Variants in AMBRA1 observed in about 807,000 individuals in gnomAD.
The protein encoded by AMBRA1 is activating molecule in BECN1-regulated autophagy protein 1.
AMBRA1 carries 47 observed loss-of-function variants against 125.4 expected under a neutral mutation model. The observed-to-expected ratio is 0.37, with a 90% CI of 0.30 to 0.48. AMBRA1 has a LOEUF of 0.48. Ranked by LOEUF, AMBRA1 falls within the 20% of genes least tolerant of loss-of-function variation. The probability of loss-of-function intolerance (pLI) is 0.99; values close to 1 mark genes in which losing one functional copy is unlikely to be tolerated. For missense variants in AMBRA1, 1,331 were observed against 1,693.4 expected (o/e 0.79, Z 3.76); for synonymous variants, 626 against 655.5 (o/e 0.95, Z 0.69).
At chr11:46,474,006 C>T (rs1949713509) in intron 11 of AMBRA1, among the ~76,000 whole-genome samples, 1 of 152,082 alleles carries the variant, frequency 6.6e-6, no homozygotes, top group Non-Finnish European at 1.5e-5. Flanking sequence ...TAAAAATTCC[C>T]AACACTTAGT....
chr11:46,466,991 C>A (rs1004883141), intron 11 of AMBRA1, among the ~76,000 whole-genome samples: 1 of 149,544 alleles, frequency 6.7e-6, no homozygotes, highest in African/African-American at 2.5e-5. Flanking sequence ...GATCTTGGCT[C>A]ACTGAAACCT....
chr11:46,565,178 A>G (rs2043477142), intron 1 of AMBRA1, among the ~76,000 whole-genome samples: 1 of 152,048 alleles, frequency 6.6e-6, no homozygotes, highest in African/African-American at 2.4e-5. Flanking sequence ...AAATCACTTG[A>G]GCCCAGGAGG....
At chr11:46,498,216 C>T (rs978219640) in intron 9 of AMBRA1, among the ~76,000 whole-genome samples, 1 of 152,158 alleles carries the variant, frequency 6.6e-6, no homozygotes, top group African/African-American at 2.4e-5. Context: ...GCTCTAACAA[C>T]ATAGCCAACA....
At chr11:46,515,730 C>A (rs1307956390) in intron 7 of AMBRA1, among the ~76,000 whole-genome samples, 1 of 152,134 alleles carries the variant, frequency 6.6e-6, no homozygotes, top group Non-Finnish European at 1.5e-5. Flanking sequence ...GGCTGAAGTG[C>A]AGTGGCGCAA....
chr11:46,565,908 G>A (rs908229575), intron 1 of AMBRA1, among the ~76,000 whole-genome samples: 3 of 151,858 alleles, frequency 2.0e-5, no homozygotes, highest in South Asian at 2.1e-4. Context: ...AAGTAGCTGC[G>A]CCCACAGGTG....
intron 11 of AMBRA1, among the ~76,000 whole-genome samples, chr11:46,466,208 G>A (rs1200066424): frequency 3.3e-5 from 5 of 152,164 alleles, no homozygotes; most frequent in East Asian, 1.9e-4. Flanking sequence ...GAGGCCAGGC[G>A]TGCTGGCACA....
rs571571094 is a variant in AMBRA1 at position 46,476,303 on chromosome 11, C to A, written c.2521+17305G>T. On this transcript the variant is annotated intron_variant, in intron 11 of 17. Coordinates refer to ENST00000683756, the MANE Select transcript of AMBRA1 (RefSeq NM_001387011.1). ...ATGAGTCTCAGGGTTGGCAGGTGAA[C>A]GAGTAGGGTGTGCACAAGTTAGGTG... is the stretch of plus-strand genomic sequence containing the variant. Among the ~76,000 whole-genome samples, 22 of 152,222 alleles carry A rather than the reference C, an allele frequency of 1.4e-4. No homozygotes were observed. The South Asian group carries it at 4.1e-3, about 29-fold the overall frequency.
At chr11:46,540,671 C>T (rs989345534) in intron 7 of AMBRA1, among the ~76,000 whole-genome samples, 1 of 152,152 alleles carries the variant, frequency 6.6e-6, no homozygotes, top group Non-Finnish European at 1.5e-5. Context: ...TTGCTCTCTC[C>T]AAATCCTATC....
chr11:46,570,261 CAAAAAAAAAA>C (rs200875374), intron 1 of AMBRA1, among the ~76,000 whole-genome samples: 13 of 14,260 alleles, frequency 9.1e-4, no homozygotes, highest in East Asian at 3.0e-3. Flanking sequence ...GACCATGTCT[CAAAAAAAAAA>C]AAAAAAAAAA....
At chr11:46,588,285 T>C (rs1271260228) in intron 1 of AMBRA1, among the ~76,000 whole-genome samples, 1 of 152,150 alleles carries the variant, frequency 6.6e-6, no homozygotes, top group East Asian at 1.9e-4. Context: ...TGAGCCAAGA[T>C]AGCGCAGCTG....
At chr11:46,519,559 A>G (rs1274279810) in intron 7 of AMBRA1, among the ~76,000 whole-genome samples, 5 of 152,138 alleles carry the variant, frequency 3.3e-5, no homozygotes, top group African/African-American at 7.2e-5. Flanking sequence ...TCTGGCCTCT[A>G]CTGTTAGGGA....
chr11:46,535,127 T>C (rs1366976063), intron 7 of AMBRA1, among the ~76,000 whole-genome samples: 1 of 152,246 alleles, frequency 6.6e-6, no homozygotes. Context: ...CACGTCATAA[T>C]TTGCCTGTAT....
chr11:46,458,074 T>C (rs1025211166), intron 11 of AMBRA1, among the ~76,000 whole-genome samples: 1 of 152,136 alleles, frequency 6.6e-6, no homozygotes, highest in African/African-American at 2.4e-5. Context: ...ATGGGTCTGT[T>C]TCACAGCATA....
At chr11:46,407,452 AG>A (rs920281691) in intron 17 of AMBRA1, among the ~76,000 whole-genome samples, 1 of 152,166 alleles carries the variant, frequency 6.6e-6, no homozygotes, top group African/African-American at 2.4e-5. Flanking sequence ...CCTGCAAAAA[AG>A]GGCCTGAAGA....
intron 11 of AMBRA1, among the ~76,000 whole-genome samples, chr11:46,458,066 G>A (rs762693015): frequency 6.6e-6 from 1 of 152,170 alleles, no homozygotes; most frequent in Non-Finnish European, 1.5e-5. Context: ...CATGGTGAAT[G>A]GGTCTGTTTC....
chr11:46,479,759 G>C (rs1366956006), intron 11 of AMBRA1, among the ~76,000 whole-genome samples: 1 of 152,132 alleles, frequency 6.6e-6, no homozygotes, highest in Admixed American at 6.6e-5. Context: ...ATAGAAAGGA[G>C]ACAAGTCATC....
Position 46,543,978 on chromosome 11 carries a change from T to C in AMBRA1, c.615A>G (p.Gln205=). The C allele has an allele frequency of 6.2e-7, 1 of 1,613,522 alleles. No individual in the cohort carries two copies. The highest frequency in any genetic ancestry group is 8.5e-7 in the Non-Finnish European group (1 of 1,179,540). The stretch of plus-strand genomic sequence containing the variant: ...TGGAACTGCTGGACTAACTTACCTG[T>C]TGATTAGAGGGGTTAACAATTGCTG... ...LLTAIVNPSN[Q]QGDDEPEIPI... The change falls in exon 6 of 18, where the codon CAA becomes CAG. Residue 205 remains glutamine, a synonymous_variant. Coordinates refer to ENST00000683756, the MANE Select transcript of AMBRA1 (RefSeq NM_001387011.1).
intron 17 of AMBRA1, among the ~76,000 whole-genome samples, chr11:46,400,042 G>A (rs922379340): frequency 6.6e-6 from 1 of 152,152 alleles, no homozygotes; most frequent in Non-Finnish European, 1.5e-5. Context: ...AACGGTGCCT[G>A]TTGTGATTAA....
chr11:46,577,251 C>T (rs2043989644), intron 1 of AMBRA1, among the ~76,000 whole-genome samples: 1 of 152,170 alleles, frequency 6.6e-6, no homozygotes, highest in South Asian at 2.1e-4. Context: ...GTGATGTATA[C>T]ACACAATGGA....
Sources: gnomAD v4.1 joint callset for allele counts (sites outside exome capture counted in the v4.1 genomes callset) on GRCh38, gnomAD v4.1.1 for gene constraint, MANE v1.5 for transcripts, NCBI Gene and HGNC (gene_info 2026-07-23, HGNC 2026-07-21) for gene names.